The following SORCS2 variants were observed in gnomAD, a reference collection of about 807,000 sequenced individuals.
The protein encoded by SORCS2 is sortilin related VPS10 domain containing receptor 2.
SORCS2 carries 100 observed loss-of-function variants against 141.6 expected under a neutral mutation model. The ratio of observed to expected loss-of-function variants is 0.71; its 90% CI spans 0.60 to 0.83. The LOEUF (loss-of-function observed/expected upper bound fraction) is 0.83, where lower values mean the gene tolerates loss of function less well. Among genes scored for constraint, SORCS2 ranks in the 40% least tolerant of loss-of-function variants. The probability of loss-of-function intolerance (pLI) is 0.00; values close to 1 mark genes in which losing one functional copy is unlikely to be tolerated. For synonymous variants in SORCS2, 789 were observed against 676.9 expected, an observed-to-expected ratio of 1.17 and a Z score of -2.57; for missense variants, 1,646 against 1,560.2, an observed-to-expected ratio of 1.05 and a Z score of -0.93.
chr4:7,522,485 G>A (rs1033391455), intron 2 of SORCS2, among the ~76,000 whole-genome samples: 1 of 152,186 alleles, frequency 6.6e-6, no homozygotes, highest in Admixed American at 6.5e-5. Context: ...GAGTTGCTGG[G>A]TGCAGTTAAA....
chr4:7,223,257 T>A (rs1339841362), intron 1 of SORCS2, among the ~76,000 whole-genome samples: 11 of 151,830 alleles, frequency 7.2e-5, no homozygotes, highest in Non-Finnish European at 1.6e-4. Context: ...TCATTGCATT[T>A]TTCTTCTGTG....
At chr4:7,666,274 C>A (rs1442333912) in intron 7 of SORCS2, among the ~76,000 whole-genome samples, 8 of 152,268 alleles carry the variant, frequency 5.3e-5, no homozygotes, top group African/African-American at 1.9e-4. Flanking sequence ...TGGTCTCGTT[C>A]TGCACAAGGT....
chr4:7,249,577 G>T (rs548413878), intron 1 of SORCS2, among the ~76,000 whole-genome samples: 5 of 152,168 alleles, frequency 3.3e-5, no homozygotes, highest in Admixed American at 6.5e-5. Context: ...CTTCTAGGGC[G>T]CCAGGTCCTT....
At chr4:7,219,544 G>A (rs1358393579) in intron 1 of SORCS2, among the ~76,000 whole-genome samples, 11 of 152,194 alleles carry the variant, frequency 7.2e-5, no homozygotes, top group Non-Finnish European at 1.6e-4. Flanking sequence ...GGAAACTTAC[G>A]ATCATGGTGG....
At chr4:7,337,004 G>T (rs866077327) in intron 1 of SORCS2, among the ~76,000 whole-genome samples, 1 of 152,154 alleles carries the variant, frequency 6.6e-6, no homozygotes, top group Non-Finnish European at 1.5e-5. Flanking sequence ...GCTGACTTAC[G>T]TCAGAGTGCT....
intron 3 of SORCS2, among the ~76,000 whole-genome samples, chr4:7,539,995 A>G (rs1449881697): frequency 1.1e-4 from 3 of 27,056 alleles, no homozygotes; most frequent in African/African-American, 1.7e-4. Flanking sequence ...CAAAGGCCCC[A>G]CTCCCTCCCT....
At chr4:7,681,894 G>T (rs1321703481) in intron 9 of SORCS2, among the ~76,000 whole-genome samples, 1 of 152,238 alleles carries the variant, frequency 6.6e-6, no homozygotes, top group Admixed American at 6.5e-5. Context: ...GCATATACAG[G>T]TGCAGAAACA....
intron 1 of SORCS2, among the ~76,000 whole-genome samples, chr4:7,294,634 G>C: frequency 6.8e-6 from 1 of 147,886 alleles, no homozygotes. Context: ...AATCCTCCTA[G>C]TTCACCTTTC....
At chr4:7,501,978 C>G (rs572716429) in intron 2 of SORCS2, among the ~76,000 whole-genome samples, 12 of 152,340 alleles carry the variant, frequency 7.9e-5, no homozygotes, top group Non-Finnish European at 1.3e-4. Flanking sequence ...GCACTCCCGG[C>G]TTCTGTGGAC....
Position 7,696,512 on chromosome 4 carries a change from G to T in SORCS2, c.1592-686G>T, listed in dbSNP as rs114923196. Among the ~76,000 whole-genome samples the T allele has an allele frequency of 4.6e-5, 7 of 152,320 alleles. No homozygotes were observed. The East Asian group carries it at 5.8e-4, about 13-fold the overall frequency. On this transcript the variant is annotated intron_variant, in intron 11 of 26. Transcript: ENST00000507866. ...TCAGCTTCCTCATCTGTAACATGAG[G>T]TTGGCTTGGATGCTGGCCATGAGTT...
chr4:7,486,129 C>T (rs149224815), intron 2 of SORCS2, among the ~76,000 whole-genome samples: 7 of 152,272 alleles, frequency 4.6e-5, no homozygotes, highest in East Asian at 1.9e-4. Context: ...TGGAGCCCCT[C>T]GTGCGCGTGA....
Position 7,663,902 on chromosome 4 carries a change from G to C in SORCS2, c.953-451G>C, listed in dbSNP as rs1722337148. On this transcript the variant is annotated intron_variant, in intron 6 of 26. Transcript: ENST00000507866. This position sits in a 1 kb window ranked among gnomAD's most constrained non-coding sequence, Gnocchi z 4.8. ...TTCAAATTAGCAGCTCCCTGACAAAGCATGCATTCAGTATTGCTCAACCAT... is the reference window on the plus strand; with the variant it reads ...TTCAAATTAGCAGCTCCCTGACAAACCATGCATTCAGTATTGCTCAACCAT... 6.6e-6 allele frequency among the ~76,000 whole-genome samples: 1 copy of C among 152,200 alleles called. No homozygotes were observed. The highest frequency in any genetic ancestry group is 1.5e-5 in the Non-Finnish European group (1 of 68,040).
At chr4:7,555,088 T>C (rs1290723322) in intron 3 of SORCS2, among the ~76,000 whole-genome samples, 2 of 152,174 alleles carry the variant, frequency 1.3e-5, no homozygotes, top group Non-Finnish European at 2.9e-5. Flanking sequence ...CAGGTTTCTC[T>C]CTGGATACTG....
At chr4:7,367,564 G>A (rs1054678094) in intron 1 of SORCS2, among the ~76,000 whole-genome samples, 3 of 152,208 alleles carry the variant, frequency 2.0e-5, no homozygotes, top group African/African-American at 7.2e-5. Context: ...AGCTATGGTT[G>A]CCAGGGTGCC....
At chr4:7,658,497 C>T (rs1010340351) in intron 5 of SORCS2, among the ~76,000 whole-genome samples, 2 of 152,158 alleles carry the variant, frequency 1.3e-5, no homozygotes, top group Non-Finnish European at 2.9e-5. Context: ...AGGCCTGAGA[C>T]CTCCTTTCCA....
At chr4:7,333,353 A>C (rs1432385762) in intron 1 of SORCS2, among the ~76,000 whole-genome samples, 1 of 152,144 alleles carries the variant, frequency 6.6e-6, no homozygotes, top group Non-Finnish European at 1.5e-5. Flanking sequence ...GCAGTTACCC[A>C]TGAAGCTGCT....
chr4:7,540,405 T>G (rs970048236), intron 3 of SORCS2, among the ~76,000 whole-genome samples: 2 of 152,106 alleles, frequency 1.3e-5, no homozygotes, highest in African/African-American at 4.8e-5. Flanking sequence ...CTGTGAGTCA[T>G]GTACTATGTC....
intron 1 of SORCS2, among the ~76,000 whole-genome samples, chr4:7,266,905 G>A (rs971326015): frequency 2.6e-4 from 40 of 151,970 alleles, no homozygotes; most frequent in Admixed American, 1.5e-3. Flanking sequence ...GCCTCCCAGC[G>A]TGTTTCCTCT....
At chr4:7,520,272 G>A (rs555185983) in intron 2 of SORCS2, among the ~76,000 whole-genome samples, 42 of 152,384 alleles carry the variant, frequency 2.8e-4, no homozygotes, top group African/African-American at 9.9e-4. Context: ...GAGGGGTTCA[G>A]TTACTGCAGG....
Sources: gnomAD v4.1 joint callset for allele counts (sites outside exome capture counted in the v4.1 genomes callset) on GRCh38, gnomAD v4.1.1 for gene constraint, Gnocchi (gnomAD v3.1) non-coding constraint, MANE v1.5 for transcripts, NCBI Gene and HGNC (gene_info 2026-07-23, HGNC 2026-07-21) for gene names.